USP34: variants seen among roughly 807,000 people sequenced by gnomAD.
The protein encoded by USP34 is ubiquitin carboxyl-terminal hydrolase 34.
USP34 carries 70 observed loss-of-function variants against 460.3 expected under a neutral mutation model. The observed-to-expected ratio is 0.15, with a 90% CI of 0.13 to 0.19. The LOEUF is 0.19. USP34 is among the 10% of genes least tolerant of loss of function. The pLI is 1.00. For missense variants in USP34, 3,985 were observed against 4,236.2 expected, an observed-to-expected ratio of 0.94 and a Z score of 1.65; for synonymous variants, 1,647 against 1,405.3, an observed-to-expected ratio of 1.17 and a Z score of -3.85.
chr2:61,256,561 C>T, intron 47 of USP34, 83 bp from the exon 48 acceptor site: 2 of 1,116,608 alleles, frequency 1.8e-6, no homozygotes, highest in Non-Finnish European at 2.5e-6. Flanking sequence ...ACAATTTTGA[C>T]AGAATGCTCA....
chr2:61,250,937 G>C (rs939229648), intron 48 of USP34, among the ~76,000 whole-genome samples: 1 of 152,160 alleles, frequency 6.6e-6, no homozygotes, highest in Non-Finnish European at 1.5e-5. Flanking sequence ...AGGAGATCGA[G>C]ACCATCCTGG....
intron 43 of USP34, among the ~76,000 whole-genome samples, chr2:61,263,016 C>CT (rs1013701561): frequency 1.2e-3 from 171 of 146,498 alleles, no homozygotes; most frequent in East Asian, 3.8e-3. Context: ...CCTTTGTCCA[C>CT]TTTTTTTTTT....
rs1297341375 is a variant in USP34, at chr2:61,205,891, C to G, written c.9154+126G>C. The G allele has an allele frequency of 7.7e-6, 5 of 645,782 alleles. 1 individual carries two copies. Among genetic ancestry groups the G allele is most frequent in the East Asian group, 5.4e-5 (2 of 37,262 alleles). The allele number at this position is 645,782 out of a possible 1,614,324, so 40.0% of individuals were successfully genotyped here. A position where few individuals can be genotyped will look rare whatever the true frequency, so the allele number is the denominator to read the frequency against. On this transcript the variant is annotated intron_variant, in intron 72 of 79. Coordinates refer to ENST00000398571, the MANE Select transcript of USP34 (RefSeq NM_014709.4). ...TCTTTATTTTCTTAGGACCTGCTAG[C>G]TAGTGTGAGTTACACATAAAAAGCA...
At chr2:61,411,422 G>A (rs1286602088) in intron 2 of USP34, among the ~76,000 whole-genome samples, 1 of 151,436 alleles carries the variant, frequency 6.6e-6, no homozygotes, top group Non-Finnish European at 1.5e-5. Context: ...CAAGATAAGT[G>A]AAATATATGA....
chr2:61,343,665 TG>T lies in USP34; in HGVS notation c.2500+149del, dbSNP rs1008997030. ...ACTATTTATAATAATTTAATTCCCTTGGGGGAAAAAAAAAAACTACCATATG... is the reference window on the plus strand; with the variant it reads ...ACTATTTATAATAATTTAATTCCCTTGGGGAAAAAAAAAAACTACCATATG... On this transcript the variant is annotated intron_variant, in intron 16 of 79. Coordinates refer to ENST00000398571, the MANE Select transcript of USP34 (RefSeq NM_014709.4). 8.1e-6 allele frequency: 6 copies of T among 738,784 alleles called. No homozygotes were observed. In the East Asian group the frequency reaches 1.1e-4, roughly 14 times the overall value. 45.8% of individuals were successfully genotyped at this position (738,784 alleles called of 1,614,324 possible). A position where few individuals can be genotyped will look rare whatever the true frequency, so the allele number is the denominator to read the frequency against.
In USP34 at chr2:61,188,155, T is replaced by C. The variant is rs1351521970; in HGVS notation, c.10588A>G (p.Thr3530Ala). The change falls in exon 80 of 80, where the codon ACA (threonine) becomes GCA (alanine). Residue 3530 changes from threonine (T) to alanine (A), a missense_variant. Physicochemically the swap from Thr to Ala is moderately conservative, Grantham distance 58. This residue lies in a region of USP34 where 506 missense variants were observed against 439.0 expected (regional missense o/e 1.15). Transcript: ENST00000398571. ...GATATCCTTGTGACGACATGGATTG[T>C]AGATTCAATGGTCCTACACAGGGTA... ...LDTLCRTIESTIHVVTRISGK... is the reference protein window; with the variant it reads ...LDTLCRTIESAIHVVTRISGK... The C allele has an allele frequency of 6.2e-7, 1 of 1,613,978 alleles. No individual in the cohort carries two copies.
At chr2:61,340,661 A>T (rs756054245) in intron 16 of USP34, among the ~76,000 whole-genome samples, 1 of 152,002 alleles carries the variant, frequency 6.6e-6, no homozygotes, top group Non-Finnish European at 1.5e-5. Flanking sequence ...TTTAATTTCC[A>T]TTTCCCTAAT....
chr2:61,368,036 A>C (rs1692490959), intron 10 of USP34, among the ~76,000 whole-genome samples: 1 of 152,222 alleles, frequency 6.6e-6, no homozygotes, highest in African/African-American at 2.4e-5. Context: ...TCCTTAAACA[A>C]CCGGAAAGTA....
intron 1 of USP34, among the ~76,000 whole-genome samples, chr2:61,465,804 C>T (rs539883521): frequency 6.6e-6 from 1 of 151,988 alleles, no homozygotes; most frequent in South Asian, 2.1e-4. Flanking sequence ...GGTGAAACCC[C>T]ATCTCTACTA....
chr2:61,426,409 A>T (rs1694512480), intron 1 of USP34, among the ~76,000 whole-genome samples: 1 of 152,106 alleles, frequency 6.6e-6, no homozygotes, highest in South Asian at 2.1e-4. Context: ...GTTCATGACA[A>T]GCTGACTTCA....
At chr2:61,354,637 C>T (rs1217033841) in intron 10 of USP34, among the ~76,000 whole-genome samples, 1 of 152,178 alleles carries the variant, frequency 6.6e-6, no homozygotes, top group African/African-American at 2.4e-5. Context: ...GACCTGGCCT[C>T]AGCTAGCCTG....
At chr2:61,198,551 G>A (rs972760636) in intron 75 of USP34, among the ~76,000 whole-genome samples, 3 of 149,014 alleles carry the variant, frequency 2.0e-5, no homozygotes, top group Admixed American at 2.0e-4. Context: ...CACCCTATCT[G>A]ATAGACTTTT....
At chr2:61,235,177 C>T (rs1484652196) in intron 57 of USP34, among the ~76,000 whole-genome samples, 1 of 152,070 alleles carries the variant, frequency 6.6e-6, no homozygotes, top group Non-Finnish European at 1.5e-5. Flanking sequence ...AAAATGTATA[C>T]ATACATCAAA....
chr2:61,370,604 A>G, intron 8 of USP34, 25 bp from the exon 9 acceptor site: 1 of 1,596,090 alleles, frequency 6.3e-7, no homozygotes. Flanking sequence ...TGAAAATAGT[A>G]CATTAAAAAA....
At chr2:61,335,518 A>G (rs1346152501) in intron 18 of USP34, among the ~76,000 whole-genome samples, 1 of 152,220 alleles carries the variant, frequency 6.6e-6, no homozygotes, top group African/African-American at 2.4e-5. Context: ...TGGGAAGTCA[A>G]GGTGAGCAGA....
At chr2:61,468,039 CAT>C (rs1199473304) in intron 1 of USP34, among the ~76,000 whole-genome samples, 4 of 151,998 alleles carry the variant, frequency 2.6e-5, no homozygotes, top group Non-Finnish European at 5.9e-5. Flanking sequence ...ACAAGAAACA[CAT>C]ATAATCTACT....
chr2:61,439,315 C>T (rs1315415747), intron 1 of USP34, among the ~76,000 whole-genome samples: 1 of 152,128 alleles, frequency 6.6e-6, no homozygotes, highest in Non-Finnish European at 1.5e-5. Context: ...CCACTTGACC[C>T]TCATGCCCTG....
In USP34 at chr2:61,470,792, C is replaced by G. The variant is rs1203337566; in HGVS notation, c.-100G>C. ...AGAGGCGGAGGAGGGGGCCGGCCGGCCGGCGGGGCGGGGAGGCGACTAGGG... is the reference window on the plus strand; with the variant it reads ...AGAGGCGGAGGAGGGGGCCGGCCGGGCGGCGGGGCGGGGAGGCGACTAGGG... On this transcript the variant is annotated 5_prime_UTR_variant, in exon 1 of 80. Transcript: ENST00000398571. The G allele has an allele frequency of 1.3e-5, 13 of 963,712 alleles. No homozygotes were observed. The African/African-American group carries it at 2.1e-4, about 16-fold the overall frequency. 59.7% of individuals were successfully genotyped at this position (963,712 alleles called of 1,614,324 possible).
chr2:61,337,665 C>G (rs1691464791), intron 18 of USP34, among the ~76,000 whole-genome samples: 1 of 152,084 alleles, frequency 6.6e-6, no homozygotes, highest in Non-Finnish European at 1.5e-5. Flanking sequence ...ACCACATTGC[C>G]CATGCTGGTC....
Sources: gnomAD v4.1 joint callset for allele counts (sites outside exome capture counted in the v4.1 genomes callset) on GRCh38, gnomAD v4.1.1 for gene constraint, gnomAD v4.1.1 regional missense constraint, MANE v1.5 for transcripts, NCBI Gene and HGNC (gene_info 2026-07-23, HGNC 2026-07-21) for gene names.